The following CNTRL variants were observed in gnomAD, a reference collection of about 807,000 sequenced individuals.
CNTRL encodes the protein 110 kDa centrosomal protein.
In CNTRL, 233 loss-of-function variants were observed where a neutral mutation model predicts 303.7. That is an observed-to-expected ratio of 0.77 (90% CI 0.69 to 0.86). The LOEUF (loss-of-function observed/expected upper bound fraction) is 0.86. CNTRL is among the 40% of genes least tolerant of loss of function. The probability of loss-of-function intolerance (pLI) is 0.00; values close to 1 mark genes in which losing one functional copy is unlikely to be tolerated. For missense variants in CNTRL, 2,524 were observed against 2,650.6 expected (o/e 0.95, Z 1.05); for synonymous variants, 900 against 922.2 (o/e 0.98, Z 0.44).
chr9:121,101,143 G>A (rs1355920410), intron 7 of CNTRL, among the ~76,000 whole-genome samples: 1 of 152,148 alleles, frequency 6.6e-6, no homozygotes, highest in Non-Finnish European at 1.5e-5. Flanking sequence ...TGACCACATA[G>A]TTGGAAGTAA....
chr9:121,081,979 A>G (rs1040316906), intron 2 of CNTRL, among the ~76,000 whole-genome samples: 1 of 152,254 alleles, frequency 6.6e-6, no homozygotes, highest in African/African-American at 2.4e-5. Context: ...GTCACCAGTC[A>G]TCTTATTAGT....
At chr9:121,081,385 T>A (rs2048135037) in intron 2 of CNTRL, among the ~76,000 whole-genome samples, 2 of 152,192 alleles carry the variant, frequency 1.3e-5, no homozygotes, top group Admixed American at 1.3e-4. Context: ...CAGCTGCATG[T>A]CCTCTTATTC....
At chr9:121,165,745 TA>T (rs2053063762) in intron 35 of CNTRL, among the ~76,000 whole-genome samples, 1 of 152,232 alleles carries the variant, frequency 6.6e-6, no homozygotes, top group African/African-American at 2.4e-5. Context: ...ACACAGCTAG[TA>T]ATTGACAAAG....
intron 3 of CNTRL, among the ~76,000 whole-genome samples, 177 bp downstream of exon 3, chr9:121,088,720 G>A (rs1177195450): frequency 6.6e-6 from 1 of 152,160 alleles, no homozygotes; most frequent in African/African-American, 2.4e-5. Context: ...TCTGGGTGAG[G>A]GTAAAGATGT....
At position 121,090,340 on chromosome 9, in the gene CNTRL, G is replaced by A. The variant is rs1009983073; in HGVS notation, c.283G>A (p.Asp95Asn). ...CCTCATTAAAAAACTTACTAAACAGGATAATTTGGCTTTGATAAAATCTCT... is the reference window on the plus strand; with the variant it reads ...CCTCATTAAAAAACTTACTAAACAGAATAATTTGGCTTTGATAAAATCTCT... The part of the protein sequence containing the change: ...EALIKKLTKQ[D>N]NLALIKSLNL... Residue 95 changes from aspartate (D) to asparagine (N), a missense_variant, in exon 4 of 44, where the codon GAT (aspartate) becomes AAT (asparagine). Coordinates refer to ENST00000373855, the MANE Select transcript of CNTRL (RefSeq NM_007018.6). 1 of 1,612,554 alleles carries A rather than the reference G, an allele frequency of 6.2e-7. No homozygotes were observed. Among genetic ancestry groups the A allele is most frequent in the African/African-American group, 1.3e-5 (1 of 74,848 alleles).
chr9:121,120,996 G>A (rs529355749), intron 12 of CNTRL, among the ~76,000 whole-genome samples: 115 of 152,254 alleles, frequency 7.6e-4, no homozygotes, highest in Non-Finnish European at 1.2e-3. Context: ...CTAGTGTTTG[G>A]CATCCCATTT....
At chr9:121,135,510 T>C (rs1229343820) in intron 14 of CNTRL, among the ~76,000 whole-genome samples, 1 of 152,242 alleles carries the variant, frequency 6.6e-6, no homozygotes, top group Non-Finnish European at 1.5e-5. Context: ...ACTCTTTTTT[T>C]CCTTCCTTTC....
chr9:121,089,776 G>T (rs1274196981), intron 3 of CNTRL, among the ~76,000 whole-genome samples: 1 of 152,130 alleles, frequency 6.6e-6, no homozygotes, highest in East Asian at 1.9e-4. Flanking sequence ...CCTCTGACTG[G>T]ATTCAAGTTC....
chr9:121,080,956 C>T lies in CNTRL; in HGVS notation c.-32+478C>T, dbSNP rs183135944. Among the ~76,000 whole-genome samples the T allele has an allele frequency of 4.6e-5, 7 of 152,252 alleles. No individual in the cohort carries two copies. The East Asian group carries it at 1.2e-3, about 25-fold the overall frequency. On this transcript the variant is annotated intron_variant, in intron 2 of 43. Transcript: ENST00000373855. ...CCCAAAAAATGCAGAAAAAATTATCCGTTTTTATGCTTAGGATTAGTGAAG... is the reference window on the plus strand; with the variant it reads ...CCCAAAAAATGCAGAAAAAATTATCTGTTTTTATGCTTAGGATTAGTGAAG...
In CNTRL at chr9:121,152,576, C is replaced by T. The variant is rs574338866; in HGVS notation, c.4055C>T (p.Ser1352Leu). Residue 1352 changes from serine (S) to leucine (L), a missense_variant, in exon 26 of 44, where the codon TCG (serine) becomes TTG (leucine). Coordinates refer to ENST00000373855, the MANE Select transcript of CNTRL (RefSeq NM_007018.6). ...TGGATGAGAGCATCCAAGCGGCAGT[C>T]GGAGAAAGAAATGGAAGAACTGCAT... is the stretch of plus-strand genomic sequence containing the variant. ...ERWMRASKRQ[S>L]EKEMEELHHN... 60 of 1,613,714 alleles carry T rather than the reference C, an allele frequency of 3.7e-5. No homozygotes were observed. In the Admixed American group the frequency reaches 3.8e-4, roughly 10 times the overall value.
At chr9:121,141,360 A>T in intron 17 of CNTRL, 21 bp from the exon 18 acceptor site, 1 of 1,577,148 alleles carries the variant, frequency 6.3e-7, no homozygotes, top group Non-Finnish European at 8.7e-7. Flanking sequence ...CATTTATACC[A>T]TTTTTCCCCC....
At chr9:121,170,225 C>G (rs2053249012) in intron 39 of CNTRL, among the ~76,000 whole-genome samples, 1 of 152,188 alleles carries the variant, frequency 6.6e-6, no homozygotes, top group African/African-American at 2.4e-5. Flanking sequence ...CTCACTGCAG[C>G]CTCTGCTTCC....
rs766671521 is a variant in CNTRL at position 121,125,712 on chromosome 9, T to G, written c.1805-4T>G. 1 of 1,613,528 alleles carries G rather than the reference T, an allele frequency of 6.2e-7. No homozygotes were observed. The highest frequency in any genetic ancestry group is 1.7e-5 in the Admixed American group (1 of 60,024). The stretch of plus-strand genomic sequence containing the variant: ...TATTATTACCCTTTTTGCATCTTGC[T>G]TAGGCCAGATAGCAGCAAATGAAGC... On this transcript the variant is annotated splice_polypyrimidine_tract_variant and splice_region_variant and intron_variant, in intron 13 of 43. Transcript: ENST00000373855.
chr9:121,144,467 A>G (rs1191824266), intron 20 of CNTRL, among the ~76,000 whole-genome samples: 2 of 152,194 alleles, frequency 1.3e-5, no homozygotes, highest in Admixed American at 1.3e-4. Flanking sequence ...ACTTCATAGT[A>G]TGACTCCTTA....
At chr9:121,112,734 C>G (rs537466064) in intron 9 of CNTRL, among the ~76,000 whole-genome samples, 156 bp downstream of exon 9, 147 of 152,286 alleles carry the variant, frequency 9.7e-4, no homozygotes, top group African/African-American at 3.4e-3. Context: ...CAATCTATGA[C>G]TTATTTGGCT....
chr9:121,177,309 C>G lies in CNTRL; in HGVS notation c.*123C>G, dbSNP rs1232324339. The G allele has an allele frequency of 5.0e-6, 4 of 802,604 alleles. No homozygotes were observed. Among genetic ancestry groups the G allele is most frequent in the Non-Finnish European group, 8.3e-6 (4 of 480,696 alleles). 49.7% of individuals were successfully genotyped at this position (802,604 alleles called of 1,614,324 possible). A position where few individuals can be genotyped will look rare whatever the true frequency, so the allele number is the denominator to read the frequency against. On this transcript the variant is annotated 3_prime_UTR_variant, in exon 44 of 44. Transcript: ENST00000373855. ...AGTGAACTGAGATTCTGAAACTCCA[C>G]TGTAGTTTACTTTGCCTGTACCATT...
At chr9:121,175,268 T>C (rs757025007) in intron 43 of CNTRL, 44 bp downstream of exon 43, 2 of 1,584,944 alleles carry the variant, frequency 1.3e-6, no homozygotes, top group Non-Finnish European at 1.7e-6. Context: ...AGCCTGAGGT[T>C]GTTTTTTGTC....
At chr9:121,115,225 C>A in intron 11 of CNTRL, 25 bp downstream of exon 11, 2 of 1,267,612 alleles carry the variant, frequency 1.6e-6, no homozygotes, top group Non-Finnish European at 2.3e-6. Context: ...AGCAGCAATG[C>A]TAAGAGGAAA....
chr9:121,171,583 G>GGA, intron 40 of CNTRL, 35 bp downstream of exon 40: 1 of 1,603,770 alleles, frequency 6.2e-7, no homozygotes, highest in Non-Finnish European at 8.5e-7. Context: ...GCCAGCCTGG[G>GGA]GAGAGAGGAC....
Sources: gnomAD v4.1 joint callset for allele counts (sites outside exome capture counted in the v4.1 genomes callset) on GRCh38, gnomAD v4.1.1 for gene constraint, MANE v1.5 for transcripts, NCBI Gene and HGNC (gene_info 2026-07-23, HGNC 2026-07-21) for gene names.